The following PDE7B variants were observed in gnomAD, a reference collection of about 807,000 sequenced individuals.
The protein encoded by PDE7B is phosphodiesterase 7B.
A neutral mutation model predicts 56.2 loss-of-function variants in PDE7B; 29 were observed. The observed-to-expected ratio is 0.52, with a 90% CI of 0.38 to 0.70. The LOEUF is 0.70. Ranked by LOEUF, PDE7B falls within the 30% of genes least tolerant of loss-of-function variation. The pLI, the probability that PDE7B is intolerant of heterozygous loss-of-function variation, is 0.00. For synonymous variants in PDE7B, 197 were observed against 196.9 expected (o/e 1.00, Z 0.00); for missense variants, 490 against 565.0 (o/e 0.87, Z 1.35).
At chr6:136,054,512 G>T (rs1048710797) in intron 2 of PDE7B, among the ~76,000 whole-genome samples, 13 of 152,060 alleles carry the variant, frequency 8.5e-5, no homozygotes, top group Admixed American at 1.3e-4. Flanking sequence ...TTGTTCTTTT[G>T]GCTTAGGATT....
intron 2 of PDE7B, among the ~76,000 whole-genome samples, chr6:136,002,399 G>A (rs2128206218): frequency 6.6e-6 from 1 of 152,306 alleles, no homozygotes; most frequent in African/African-American, 2.4e-5. Context: ...AAAAGACACA[G>A]ACTGAGAAAT....
chr6:135,945,818 A>C (rs1385995217), intron 1 of PDE7B, among the ~76,000 whole-genome samples: 2 of 152,328 alleles, frequency 1.3e-5, no homozygotes, highest in East Asian at 3.9e-4. Flanking sequence ...CCAGTCTGCT[A>C]CCAAATGGCC....
chr6:135,905,559 T>C (rs1164276896), intron 1 of PDE7B, among the ~76,000 whole-genome samples: 1 of 152,200 alleles, frequency 6.6e-6, no homozygotes, highest in African/African-American at 2.4e-5. Flanking sequence ...ATTCCTGTCT[T>C]ATTTTTGGAT....
chr6:136,050,900 T>C (rs1048741452), intron 2 of PDE7B, among the ~76,000 whole-genome samples: 8 of 152,120 alleles, frequency 5.3e-5, no homozygotes, highest in African/African-American at 1.9e-4. Flanking sequence ...AACTTTCTCC[T>C]CCTCCTCCTC....
At chr6:136,147,538 G>A in intron 4 of PDE7B, 36 bp downstream of exon 4, 1 of 1,593,792 alleles carries the variant, frequency 6.3e-7, no homozygotes, top group Non-Finnish European at 8.6e-7. Context: ...CAGCAGGCCA[G>A]TGGCCAAGAG....
intron 2 of PDE7B, among the ~76,000 whole-genome samples, chr6:136,019,608 A>G (rs1232819526): frequency 6.6e-6 from 1 of 152,202 alleles, no homozygotes; most frequent in Non-Finnish European, 1.5e-5. Flanking sequence ...GGGGGTTAGG[A>G]GAACCAGCCT....
chr6:135,946,363 TTGTC>T lies in PDE7B; in HGVS notation c.22-1097_22-1094del, dbSNP rs145087475. 4.1e-3 allele frequency among the ~76,000 whole-genome samples: 629 copies of T among 152,072 alleles called. 4 individuals carry two copies. Among genetic ancestry groups the T allele is most frequent in the African/African-American group, 0.015 (609 of 41,540 alleles). On this transcript the variant is annotated intron_variant, in intron 1 of 12. Transcript: ENST00000308191. ...TATTCCACTTATGAATAATACTTAT[TTGTC>T]TGTTTTGTACCAAGACATTAAAGTT...
chr6:136,005,251 G>A (rs144127736), intron 2 of PDE7B, among the ~76,000 whole-genome samples: 14,066 of 152,062 alleles, frequency 0.093, 1,112 homozygotes, highest in African/African-American at 0.21. Flanking sequence ...CGTAAAAACC[G>A]TAGAAGAAAA....
chr6:135,913,486 C>A (rs982981893), intron 1 of PDE7B, among the ~76,000 whole-genome samples: 4 of 152,136 alleles, frequency 2.6e-5, no homozygotes, highest in Non-Finnish European at 5.9e-5. Flanking sequence ...CTCTTTAGTG[C>A]ATAACACCTA....
rs368352861 is a variant in PDE7B at position 136,060,377 on chromosome 6, CATT to C, written c.83-48351_83-48349del. ...TTCTTTTCTGCCCACTTTAAGGAAACATTATATTAAAATTCAAATGTATAAACA... is the reference window on the plus strand; with the variant it reads ...TTCTTTTCTGCCCACTTTAAGGAAACATATTAAAATTCAAATGTATAAACA... On this transcript the variant is annotated intron_variant, in intron 2 of 12. Coordinates refer to ENST00000308191, the MANE Select transcript of PDE7B (RefSeq NM_018945.4). Among the ~76,000 whole-genome samples, 14 of 152,192 alleles carry C rather than the reference CATT, an allele frequency of 9.2e-5. No homozygotes were observed. In the South Asian group the frequency reaches 2.9e-3, roughly 32 times the overall value.
chr6:135,950,176 CAAGAG>C (rs1184263235), intron 2 of PDE7B, among the ~76,000 whole-genome samples: 2 of 151,996 alleles, frequency 1.3e-5, no homozygotes, highest in Non-Finnish European at 2.9e-5. Flanking sequence ...TTAAAATAAA[CAAGAG>C]AAATCAAATT....
At chr6:136,106,341 G>T (rs754885914) in intron 2 of PDE7B, among the ~76,000 whole-genome samples, 2 of 152,114 alleles carry the variant, frequency 1.3e-5, no homozygotes, top group Non-Finnish European at 2.9e-5. Flanking sequence ...GAGGATCTAA[G>T]ATTTTCATTT....
At chr6:136,052,354 G>C (rs942926648) in intron 2 of PDE7B, among the ~76,000 whole-genome samples, 2 of 152,184 alleles carry the variant, frequency 1.3e-5, no homozygotes, top group Non-Finnish European at 2.9e-5. Flanking sequence ...TCCTGGCTTC[G>C]GGTATGTGGA....
At chr6:135,980,570 A>C (rs556762798) in intron 2 of PDE7B, among the ~76,000 whole-genome samples, 57 of 152,310 alleles carry the variant, frequency 3.7e-4, no homozygotes, top group African/African-American at 1.3e-3. Context: ...TCCAGCATCT[A>C]CAATGAACTC....
At chr6:135,855,380 T>A (rs1462445620) in intron 1 of PDE7B, among the ~76,000 whole-genome samples, 1 of 152,082 alleles carries the variant, frequency 6.6e-6, no homozygotes, top group African/African-American at 2.4e-5. Context: ...GACTGGAGTC[T>A]GTACAAAGAA....
chr6:136,036,094 A>AGTC (rs1355794618), intron 2 of PDE7B, among the ~76,000 whole-genome samples: 16 of 152,362 alleles, frequency 1.1e-4, no homozygotes, highest in African/African-American at 3.8e-4. Context: ...TAAAGCAAAC[A>AGTC]GTCTACATGT....
chr6:135,998,828 A>C (rs901492994), intron 2 of PDE7B, among the ~76,000 whole-genome samples: 1 of 151,852 alleles, frequency 6.6e-6, no homozygotes, highest in African/African-American at 2.4e-5. Context: ...TACAATTTTC[A>C]CTCTTTTTCC....
At chr6:135,878,745 A>G (rs1775547666) in intron 1 of PDE7B, among the ~76,000 whole-genome samples, 1 of 152,182 alleles carries the variant, frequency 6.6e-6, no homozygotes. Flanking sequence ...ATCCTTACCA[A>G]AAATCTATAA....
chr6:135,899,800 G>A (rs568696513), intron 1 of PDE7B, among the ~76,000 whole-genome samples: 3 of 152,150 alleles, frequency 2.0e-5, no homozygotes, highest in South Asian at 4.1e-4. Flanking sequence ...ACACCCATGG[G>A]TAGTATATTT....
Sources: allele counts gnomAD v4.1 joint callset (sites outside exome capture counted in the v4.1 genomes callset), GRCh38; gene constraint gnomAD v4.1.1; transcripts MANE v1.5; gene names NCBI Gene and HGNC (gene_info 2026-07-23, HGNC 2026-07-21).